CTNND2: variants seen among roughly 807,000 people sequenced by gnomAD.
CTNND2 encodes catenin delta-2.
A neutral mutation model predicts 144.4 loss-of-function variants in CTNND2; 22 were observed. The ratio of observed to expected loss-of-function variants is 0.15; its 90% confidence interval spans 0.11 to 0.22. The LOEUF (loss-of-function observed/expected upper bound fraction) is 0.22. Among genes scored for constraint, CTNND2 ranks in the 10% least tolerant of loss-of-function variants. CTNND2 has a pLI of 1.00. For missense variants in CTNND2, 1,353 were observed against 1,618.8 expected (o/e 0.84, Z 2.82); for synonymous variants, 751 against 695.6 (o/e 1.08, Z -1.25).
chr5:11,354,534 T>G (rs1020141345), intron 8 of CTNND2, among the ~76,000 whole-genome samples: 9 of 152,352 alleles, frequency 5.9e-5, no homozygotes, highest in African/African-American at 2.2e-4. Flanking sequence ...GATCTTGATC[T>G]ATTCATTTGT....
chr5:11,647,736 T>C (rs950358743), intron 2 of CTNND2, among the ~76,000 whole-genome samples: 2 of 152,140 alleles, frequency 1.3e-5, no homozygotes, highest in African/African-American at 4.8e-5. Context: ...GTGCTAACTC[T>C]ACACTCTGTC....
intron 3 of CTNND2, among the ~76,000 whole-genome samples, chr5:11,512,987 G>A (rs1302940674): frequency 6.6e-6 from 1 of 152,142 alleles, no homozygotes; most frequent in Non-Finnish European, 1.5e-5. Context: ...CATGAAACTT[G>A]CCCATACTCC....
intron 18 of CTNND2, among the ~76,000 whole-genome samples, chr5:11,004,408 A>G (rs1398859534): frequency 6.6e-6 from 1 of 152,238 alleles, no homozygotes; most frequent in African/African-American, 2.4e-5. Context: ...TCACTGGGGA[A>G]CAAATTCGAT....
chr5:11,770,461 A>AAGGT (rs1180553242), intron 1 of CTNND2, among the ~76,000 whole-genome samples: 115 of 132,890 alleles, frequency 8.7e-4, no homozygotes, highest in African/African-American at 3.4e-3. Context: ...GGAAGGAAGG[A>AAGGT]AGGGGTAGGG....
chr5:11,400,699 A>G (rs1475095701), intron 5 of CTNND2, among the ~76,000 whole-genome samples: 2 of 152,244 alleles, frequency 1.3e-5, no homozygotes, highest in African/African-American at 2.4e-5. Flanking sequence ...TCTTGAGTGT[A>G]ACACCAATGT....
chr5:11,633,822 T>C (rs1157092014), intron 2 of CTNND2, among the ~76,000 whole-genome samples: 5 of 151,674 alleles, frequency 3.3e-5, no homozygotes, highest in Admixed American at 2.0e-4. Context: ...CGTAGATCAG[T>C]AGGCTACACT....
intron 11 of CTNND2, among the ~76,000 whole-genome samples, chr5:11,172,279 C>A (rs1481675290): frequency 6.6e-6 from 1 of 152,058 alleles, no homozygotes; most frequent in Non-Finnish European, 1.5e-5. Context: ...CTGACTTCAC[C>A]AACATCAGCT....
At chr5:11,128,408 C>A (rs1411288973) in intron 12 of CTNND2, among the ~76,000 whole-genome samples, 1 of 152,052 alleles carries the variant, frequency 6.6e-6, no homozygotes, top group African/African-American at 2.4e-5. Flanking sequence ...AACGATCCCA[C>A]CAGCACCTTG....
In CTNND2 at chr5:11,621,494, T is replaced by C. The variant is rs188828526; in HGVS notation, c.175-56438A>G. Among the ~76,000 whole-genome samples, 9 of 152,352 alleles carry C rather than the reference T, an allele frequency of 5.9e-5. No homozygotes were observed. The South Asian group carries it at 1.0e-3, about 18-fold the overall frequency. ...AGATCACAGATTTAACTTTGGAATTTGTATTTTTGGTTGAGAAAAAATCGT... is the reference window on the plus strand; with the variant it reads ...AGATCACAGATTTAACTTTGGAATTCGTATTTTTGGTTGAGAAAAAATCGT... On this transcript the variant is annotated intron_variant, in intron 2 of 21. Coordinates refer to ENST00000304623, the MANE Select transcript of CTNND2 (RefSeq NM_001332.4).
intron 2 of CTNND2, among the ~76,000 whole-genome samples, chr5:11,626,450 T>A (rs1188170529): frequency 6.6e-6 from 1 of 152,194 alleles, no homozygotes; most frequent in Non-Finnish European, 1.5e-5. Flanking sequence ...TGAGATTCTA[T>A]GAAACACTAT....
At chr5:11,832,678 T>C (rs1179111066) in intron 1 of CTNND2, among the ~76,000 whole-genome samples, 1 of 152,200 alleles carries the variant, frequency 6.6e-6, no homozygotes, top group African/African-American at 2.4e-5. Flanking sequence ...TGGTATTTCA[T>C]GCCTGTAATC....
intron 16 of CTNND2, among the ~76,000 whole-genome samples, chr5:11,032,642 T>A (rs1743602535): frequency 6.6e-6 from 1 of 152,136 alleles, no homozygotes; most frequent in Non-Finnish European, 1.5e-5. Context: ...GTGCTTATTT[T>A]TTTTTCCCCT....
chr5:11,114,194 T>C (rs1363511039), intron 13 of CTNND2, among the ~76,000 whole-genome samples: 1 of 152,150 alleles, frequency 6.6e-6, no homozygotes, highest in Non-Finnish European at 1.5e-5. Context: ...ATCAAAGACT[T>C]GGGAGAATAA....
intron 16 of CTNND2, among the ~76,000 whole-genome samples, chr5:11,048,982 C>T (rs1462834370): frequency 6.6e-6 from 1 of 152,184 alleles, no homozygotes; most frequent in Non-Finnish European, 1.5e-5. Context: ...GCCAGTAGCA[C>T]CCTCCCATCC....
chr5:11,736,421 C>T (rs907541635), intron 1 of CTNND2, among the ~76,000 whole-genome samples: 2 of 152,192 alleles, frequency 1.3e-5, no homozygotes, highest in East Asian at 3.8e-4. Context: ...AAGCAACCTC[C>T]ATTCCTGAAT....
intron 1 of CTNND2, among the ~76,000 whole-genome samples, chr5:11,898,898 C>T (rs1489278820): frequency 6.6e-6 from 1 of 152,128 alleles, no homozygotes; most frequent in Non-Finnish European, 1.5e-5. Context: ...TACATCGAAT[C>T]GTAATTATCC....
chr5:11,421,230 C>T lies in CTNND2; in HGVS notation c.288-9161G>A, dbSNP rs191032125. Among the ~76,000 whole-genome samples the T allele has an allele frequency of 1.5e-4, 23 of 152,278 alleles. No individual in the cohort carries two copies. The East Asian group carries it at 4.2e-3, about 28-fold the overall frequency. On this transcript the variant is annotated intron_variant, in intron 3 of 21. Transcript: ENST00000304623. ...TAAAAGGACAAAAGGAAAGTGGTAG[C>T]TCCAGTTCTGAGAAGTTCCCTGCCC...
At chr5:11,704,056 G>T (rs1321112908) in intron 2 of CTNND2, among the ~76,000 whole-genome samples, 1 of 152,138 alleles carries the variant, frequency 6.6e-6, no homozygotes, top group Non-Finnish European at 1.5e-5. Context: ...AGAGGACAGG[G>T]AAAAAGAAAG....
rs911998974 is a variant in CTNND2, at chr5:11,493,255, C to T, written c.287+71689G>A. ...GGATGGGGTTATGATTCCATCAGTA[C>T]CTTTCAGTCTCACCTGCAGAATCCC... On this transcript the variant is annotated intron_variant, in intron 3 of 21. Transcript: ENST00000304623. Among the ~76,000 whole-genome samples, 36 of 152,138 alleles carry T rather than the reference C, an allele frequency of 2.4e-4. 1 individual carries two copies.
Sources: allele counts gnomAD v4.1 joint callset (sites outside exome capture counted in the v4.1 genomes callset), GRCh38; gene constraint gnomAD v4.1.1; transcripts MANE v1.5; gene names NCBI Gene and HGNC (gene_info 2026-07-23, HGNC 2026-07-21).